Variants in KLHL30 observed in about 807,000 individuals in gnomAD.
The protein encoded by KLHL30 is kelch like family member 30.
In KLHL30, 55 loss-of-function variants were observed where a neutral mutation model predicts 55.0. That is an observed-to-expected ratio of 1.00 (90% CI 0.80 to 1.25). The LOEUF (loss-of-function observed/expected upper bound fraction) is 1.25. Among genes scored for constraint, KLHL30 ranks in the 50% most tolerant of loss-of-function variants. The pLI is 0.00. For synonymous variants in KLHL30, 356 were observed against 372.6 expected, an observed-to-expected ratio of 0.96 and a Z score of 0.51; for missense variants, 786 against 811.6, an observed-to-expected ratio of 0.97 and a Z score of 0.38.
rs534689356 is a variant in KLHL30, at chr2:238,140,727, A to G, written c.-28A>G. 2.4e-5 allele frequency: 35 copies of G among 1,469,904 alleles called. No homozygotes were observed. In the African/African-American group the frequency reaches 4.7e-4, roughly 20 times the overall value. 91.1% of individuals were successfully genotyped at this position (1,469,904 alleles called of 1,614,324 possible). On this transcript the variant is annotated 5_prime_UTR_variant, in exon 2 of 8. Coordinates refer to ENST00000409223, the MANE Select transcript of KLHL30 (RefSeq NM_198582.4). ...GGCACTTCTTCCCTTGAGTGGGTGG[A>G]CTACTGAGGTCCCCTGGGCACGGCG...
At chr2:238,149,451 G>A (rs1407273021) in intron 7 of KLHL30, among the ~76,000 whole-genome samples, 1 of 152,200 alleles carries the variant, frequency 6.6e-6, no homozygotes, top group African/African-American at 2.4e-5. Flanking sequence ...GGTGGCGCAG[G>A]CTGAGATCCC....
Position 238,145,838 on chromosome 2 carries a change from GCCTTCCTCTCCAC to G in KLHL30, c.1150+13_1150+25del. On this transcript the variant is annotated splice_region_variant and intron_variant, in intron 5 of 7. Coordinates refer to ENST00000409223, the MANE Select transcript of KLHL30 (RefSeq NM_198582.4). Reference sequence around the variant, plus strand: ...GGAGATCTACGTTATCGGCGGTGAGGCCTTCCTCTCCACCCTTCCCTGGGGCCTGGTTCTAGCC... The same window carrying G: ...GGAGATCTACGTTATCGGCGGTGAGGCCTTCCCTGGGGCCTGGTTCTAGCC... The G allele has an allele frequency of 6.3e-7, 1 of 1,590,092 alleles. No individual in the cohort carries two copies. The highest frequency in any genetic ancestry group is 1.1e-5 in the South Asian group (1 of 87,922).
chr2:238,141,579 C>T, intron 2 of KLHL30, 51 bp downstream of exon 2: 8 of 1,425,746 alleles, frequency 5.6e-6, no homozygotes, highest in Non-Finnish European at 6.4e-6. Flanking sequence ...GAGGAGAGCC[C>T]CAGAGACCCC....
chr2:238,149,388 A>AGTG (rs1205031256), intron 7 of KLHL30, among the ~76,000 whole-genome samples: 1 of 151,278 alleles, frequency 6.6e-6, no homozygotes, highest in East Asian at 1.9e-4. Context: ...GAGGGCCCAC[A>AGTG]ATGAAGGGGG....
In KLHL30 at chr2:238,147,827, C is replaced by G; in HGVS notation, c.1151-7C>G. ...AGCCCTGAACTGCCCCCGCCCTCAC[C>G]CCACAGGCACCACCCTGGACGTGGT... is the stretch of plus-strand genomic sequence containing the variant. On this transcript the variant is annotated splice_region_variant and splice_polypyrimidine_tract_variant and intron_variant, in intron 5 of 7. Transcript: ENST00000409223. The surrounding 1 kb of genome is among the most constrained non-coding windows in gnomAD (Gnocchi z 5.8). 2 of 1,478,376 alleles carry G rather than the reference C, an allele frequency of 1.4e-6. No individual in the cohort carries two copies. The highest frequency in any genetic ancestry group is 1.8e-6 in the Non-Finnish European group (2 of 1,107,150). The allele number at this position is 1,478,376 out of a possible 1,614,324, so 91.6% of individuals were successfully genotyped here.
chr2:238,144,655 A>AG (rs201383392), intron 3 of KLHL30, among the ~76,000 whole-genome samples: 11,270 of 152,104 alleles, frequency 0.074, 1,288 homozygotes, highest in African/African-American at 0.24. Flanking sequence ...CTGCTTCTCC[A>AG]GGGGGCTATC....
intron 3 of KLHL30, among the ~76,000 whole-genome samples, chr2:238,144,432 A>AATGAAGGCAGGCAGGCAGGCAGGCAGGC (rs1692607763): frequency 1.2e-5 from 1 of 82,380 alleles, no homozygotes; most frequent in Non-Finnish European, 2.6e-5. Flanking sequence ...GGAAGGAAGG[A>AATGAAGGCAGGCAGGCAGGCAGGCAGGC]AGGCAGGCAG....
chr2:238,149,216 A>T, intron 7 of KLHL30, 64 bp downstream of exon 7: 1 of 1,591,356 alleles, frequency 6.3e-7, no homozygotes, highest in South Asian at 1.1e-5. Context: ...TCAGAGAGCC[A>T]GCCTGGGAAG....
At chr2:238,148,118 G>C (rs1692681566) in intron 6 of KLHL30, 96 bp downstream of exon 6, 1 of 1,185,802 alleles carries the variant, frequency 8.4e-7, no homozygotes, top group Non-Finnish European at 1.1e-6. Context: ...GGCTCCTGAG[G>C]ATAGACGGGG....
Position 238,147,946 on chromosome 2 carries a change from G to A in KLHL30, c.1263G>A (p.Arg421=), listed in dbSNP as rs1427071949. ...YVSNFSAAGC[R]GRLYLVGSSA... ...GCAACTTCTCGGCTGCCGGCTGCCG[G>A]GGCCGGCTCTACCTGGTGGGCTCCA... The change falls in exon 6 of 8, where the codon CGG becomes CGA. Residue 421 remains arginine (R), a synonymous_variant. Transcript: ENST00000409223. The surrounding 1 kb of genome is among the most constrained non-coding windows in gnomAD (Gnocchi z 5.8). 1.3e-6 allele frequency: 2 copies of A among 1,586,902 alleles called. No individual in the cohort carries two copies. Among genetic ancestry groups the A allele is most frequent in the Non-Finnish European group, 1.7e-6 (2 of 1,167,956 alleles).
At position 238,150,714 on chromosome 2, in the gene KLHL30, T is replaced by C. The variant is rs1328215983; in HGVS notation, c.1486-100T>C. The C allele has an allele frequency of 4.3e-6, 6 of 1,384,144 alleles. No homozygotes were observed. The East Asian group carries it at 1.5e-4, about 35-fold the overall frequency. 85.7% of individuals were successfully genotyped at this position (1,384,144 alleles called of 1,614,324 possible). ...CTGGAGGGGATCTGGGCCAGGTGGC[T>C]GGCTGTCCTCTCTGCCACTCCCCCG... On this transcript the variant is annotated intron_variant, in intron 7 of 7. Transcript: ENST00000409223.
intron 3 of KLHL30, among the ~76,000 whole-genome samples, chr2:238,144,152 T>C (rs910154435): frequency 3.9e-5 from 6 of 152,166 alleles, no homozygotes; most frequent in African/African-American, 1.4e-4. Context: ...CTAGGAACAA[T>C]AATCCTAACA....
chr2:238,146,634 T>G (rs1692652723), intron 5 of KLHL30, among the ~76,000 whole-genome samples: 1 of 150,618 alleles, frequency 6.6e-6, no homozygotes, highest in Non-Finnish European at 1.5e-5. Context: ...CTCAAACTCC[T>G]GGGCTCAAGT....
Position 238,151,790 on chromosome 2 carries a change from A to T in KLHL30, c.*725A>T. The T allele has an allele frequency of 1.3e-6, 1 of 758,792 alleles. No homozygotes were observed. The highest frequency in any genetic ancestry group is 1.6e-6 in the Non-Finnish European group (1 of 622,850). The allele number at this position is 758,792 out of a possible 1,614,324, so 47.0% of individuals were successfully genotyped here. On this transcript the variant is annotated 3_prime_UTR_variant, in exon 8 of 8. Coordinates refer to ENST00000409223, the MANE Select transcript of KLHL30 (RefSeq NM_198582.4). ...GCGTGGGGCGGGGCTGGAGGGTCCCAGGGAGGTGAGCAGTTTTGCTCTCAG... is the reference window on the plus strand; with the variant it reads ...GCGTGGGGCGGGGCTGGAGGGTCCCTGGGAGGTGAGCAGTTTTGCTCTCAG...
At chr2:238,142,141 C>T (rs976369816) in intron 2 of KLHL30, among the ~76,000 whole-genome samples, 7 of 152,302 alleles carry the variant, frequency 4.6e-5, no homozygotes, top group South Asian at 4.1e-4. Flanking sequence ...GGTCAGCTGC[C>T]GGGCACCCTG....
intron 3 of KLHL30, among the ~76,000 whole-genome samples, 193 bp downstream of exon 3, chr2:238,143,124 AGGCTGGCG>A (rs1203530240): frequency 1.3e-5 from 2 of 152,164 alleles, no homozygotes; most frequent in African/African-American, 4.8e-5. Flanking sequence ...GGGAGGGGGA[AGGCTGGCG>A]GGCACTGCTG....
intron 3 of KLHL30, among the ~76,000 whole-genome samples, chr2:238,144,412 A>AAGGAAGGAAGGAAGGC (rs1692601777): frequency 8.7e-6 from 1 of 115,342 alleles, no homozygotes; most frequent in African/African-American, 3.8e-5. Context: ...GGAAGGAAGG[A>AAGGAAGGAAGGAAGGC]AGGAAGGAAG....
At chr2:238,150,757 C>G (rs1692738769) in intron 7 of KLHL30, 57 bp from the exon 8 acceptor site, 1 of 1,520,078 alleles carries the variant, frequency 6.6e-7, no homozygotes, top group African/African-American at 1.4e-5. Context: ...TGAGGGCACC[C>G]TCAGCCCTGC....
intron 1 of KLHL30, among the ~76,000 whole-genome samples, chr2:238,140,035 CCT>C (rs1692503855): frequency 2.0e-5 from 3 of 152,216 alleles, no homozygotes; most frequent in Non-Finnish European, 4.4e-5. Context: ...GGGTTCAGAG[CCT>C]GGGCCCCCAA....
Sources: allele counts gnomAD v4.1 joint callset (sites outside exome capture counted in the v4.1 genomes callset), GRCh38; gene constraint gnomAD v4.1.1; non-coding constraint Gnocchi (gnomAD v3.1); transcripts MANE v1.5; gene names NCBI Gene and HGNC (gene_info 2026-07-23, HGNC 2026-07-21).